The following CACNA1C variants were observed in gnomAD, a reference collection of about 807,000 sequenced individuals.
The protein encoded by CACNA1C is calcium voltage-gated channel subunit alpha1 C.
In CACNA1C, 30 loss-of-function variants were observed where a neutral mutation model predicts 229.0. The observed-to-expected ratio is 0.13, with a 90% CI of 0.10 to 0.18. The LOEUF is 0.18. CACNA1C is among the 10% of genes least tolerant of loss of function. The pLI, the probability that CACNA1C is intolerant of heterozygous loss-of-function variation, is 1.00. For missense variants in CACNA1C, 1,658 were observed against 2,845.0 expected, an observed-to-expected ratio of 0.58 and a Z score of 9.49; for synonymous variants, 1,114 against 1,132.5, an observed-to-expected ratio of 0.98 and a Z score of 0.33.
At chr12:2,035,043 C>T (rs1218903799) in intron 1 of CACNA1C, among the ~76,000 whole-genome samples, 1 of 152,224 alleles carries the variant, frequency 6.6e-6, no homozygotes, top group East Asian at 1.9e-4. Flanking sequence ...GCAACCGCGA[C>T]AGCCCCGTCG....
intron 30 of CACNA1C, among the ~76,000 whole-genome samples, chr12:2,638,310 C>G (rs975715024): frequency 2.6e-5 from 4 of 152,126 alleles, no homozygotes; most frequent in African/African-American, 9.7e-5. Context: ...TTGAACAAAG[C>G]AAAGGCATGA....
chr12:2,270,099 T>C (rs2154417190), intron 3 of CACNA1C, among the ~76,000 whole-genome samples: 1 of 151,846 alleles, frequency 6.6e-6, no homozygotes, highest in African/African-American at 2.4e-5. Flanking sequence ...GGGCACGGGG[T>C]CAGGGAACAG....
At chr12:2,553,300 A>G (rs568525925) in intron 10 of CACNA1C, among the ~76,000 whole-genome samples, 1 of 152,210 alleles carries the variant, frequency 6.6e-6, no homozygotes, top group African/African-American at 2.4e-5. Context: ...ACCTGGAGAA[A>G]CTGCAAACCG....
chr12:2,058,501 G>T (rs2056155081), intron 1 of CACNA1C, among the ~76,000 whole-genome samples: 11 of 152,144 alleles, frequency 7.2e-5, no homozygotes, highest in Admixed American at 7.2e-4. Context: ...TTAATGTTGG[G>T]CACTGTGGAG....
At chr12:2,058,434 CAA>C (rs2056124607) in intron 1 of CACNA1C, among the ~76,000 whole-genome samples, 1 of 152,142 alleles carries the variant, frequency 6.6e-6, no homozygotes, top group Non-Finnish European at 1.5e-5. Context: ...GCCTAATTAA[CAA>C]AATAATCACA....
Position 2,283,509 on chromosome 12 carries a change from G to A in CACNA1C, c.477+163079G>A, listed in dbSNP as rs150527420. On this transcript the variant is annotated intron_variant, in intron 3 of 46. Transcript: ENST00000399655. The stretch of plus-strand genomic sequence containing the variant: ...TGCAGGGACAGGGCATTATTGCCAC[G>A]AGCCAGTCTGTCCTGTATACTCACT... Among the ~76,000 whole-genome samples, 404 of 152,274 alleles carry A rather than the reference G, an allele frequency of 2.7e-3. 2 individuals carry two copies. Among genetic ancestry groups the A allele is most frequent in the African/African-American group, 9.4e-3 (390 of 41,544 alleles).
intron 1 of CACNA1C, among the ~76,000 whole-genome samples, chr12:2,093,501 C>T (rs894706476): frequency 6.6e-6 from 1 of 152,212 alleles, no homozygotes; most frequent in Non-Finnish European, 1.5e-5. Context: ...AGTGGGTATG[C>T]TTTGTGCCTC....
At chr12:2,549,121 T>G (rs2099890324) in intron 9 of CACNA1C, among the ~76,000 whole-genome samples, 1 of 152,092 alleles carries the variant, frequency 6.6e-6, no homozygotes, top group South Asian at 2.1e-4. Flanking sequence ...GCCAGAAAAC[T>G]CCCATTGTTC....
At chr12:2,230,350 GCA>G (rs2064590335) in intron 3 of CACNA1C, among the ~76,000 whole-genome samples, 1 of 152,198 alleles carries the variant, frequency 6.6e-6, no homozygotes, top group Admixed American at 6.5e-5. Flanking sequence ...TTGGTGGCGC[GCA>G]AGGTGCCTTG....
intron 9 of CACNA1C, 130 bp downstream of exon 9, chr12:2,513,114 A>G (rs2099788430): frequency 3.3e-6 from 2 of 598,438 alleles, no homozygotes; most frequent in Non-Finnish European, 5.8e-6. Flanking sequence ...AGCAGCAGTT[A>G]TCTCACTGAT....
chr12:2,281,238 G>A (rs921537769), intron 3 of CACNA1C, among the ~76,000 whole-genome samples: 8 of 151,954 alleles, frequency 5.3e-5, no homozygotes, highest in African/African-American at 9.7e-5. Flanking sequence ...CCTTTATGCC[G>A]TTGCTGCCAT....
At chr12:2,115,817 A>G (rs966094121) in intron 2 of CACNA1C, among the ~76,000 whole-genome samples, 2 of 152,212 alleles carry the variant, frequency 1.3e-5, no homozygotes, top group African/African-American at 4.8e-5. Flanking sequence ...TTTTTTTCAT[A>G]TAATAAGCAA....
rs996768623 is a variant in CACNA1C at position 2,467,868 on chromosome 12, C to T, written c.757+10162C>T. 6.6e-6 allele frequency among the ~76,000 whole-genome samples: 1 copy of T among 152,234 alleles called. No homozygotes were observed. Among genetic ancestry groups the T allele is most frequent in the South Asian group, 2.1e-4 (1 of 4,834 alleles). On this transcript the variant is annotated intron_variant, in intron 5 of 46. Coordinates refer to ENST00000399655, the MANE Select transcript of CACNA1C (RefSeq NM_000719.7). The surrounding 1 kb of genome is among the most constrained non-coding windows in gnomAD (Gnocchi z 4.6). ...ACTCAGAGTCCCGACCCTGCTGCGA[C>T]TTCTCTGTTGCCCTGCCAGGTGCTT... is the stretch of plus-strand genomic sequence containing the variant.
At chr12:2,394,241 C>T (rs1165281500) in intron 3 of CACNA1C, among the ~76,000 whole-genome samples, 1 of 152,368 alleles carries the variant, frequency 6.6e-6, no homozygotes, top group Admixed American at 6.5e-5. Context: ...TCCTCCTACT[C>T]CTGATGTGGC....
At chr12:2,109,340 G>T (rs2080680543) in intron 1 of CACNA1C, among the ~76,000 whole-genome samples, 2 of 152,198 alleles carry the variant, frequency 1.3e-5, no homozygotes, top group South Asian at 2.1e-4. Flanking sequence ...TGTTTGGAGT[G>T]GGGGCTTGAA....
rs2099740161 is a variant in CACNA1C, at chr12:2,493,350, C to T, written c.1077C>T (p.Cys359=). 1 of 1,614,144 alleles carries T rather than the reference C, an allele frequency of 6.2e-7. No individual in the cohort carries two copies. Among genetic ancestry groups the T allele is most frequent in the Non-Finnish European group, 8.5e-7 (1 of 1,179,976 alleles). Residue 359 remains cysteine, a synonymous_variant, in exon 7 of 47, where the codon TGC becomes TGT. Transcript: ENST00000399655. This position sits in a 1 kb window ranked among gnomAD's most constrained non-coding sequence, Gnocchi z 4.6. ...FAFAMLTVFQ[C]ITMEGWTDVL... ...TCGCCATGCTCACGGTGTTCCAGTG[C>T]ATCACCATGGAGGGCTGGACGGACG...
chr12:2,385,272 C>G (rs532350648), intron 3 of CACNA1C, among the ~76,000 whole-genome samples: 199 of 152,272 alleles, frequency 1.3e-3, no homozygotes, highest in African/African-American at 4.5e-3. Flanking sequence ...GACCGGCCCC[C>G]TCAGATGCAC....
At chr12:2,170,820 C>T (rs1381883628) in intron 3 of CACNA1C, among the ~76,000 whole-genome samples, 1 of 152,246 alleles carries the variant, frequency 6.6e-6, no homozygotes, top group African/African-American at 2.4e-5. Context: ...AGGTCTGCTT[C>T]CTAGGCCCGT....
chr12:2,533,000 C>A (rs1158894413), intron 9 of CACNA1C, among the ~76,000 whole-genome samples: 1 of 152,192 alleles, frequency 6.6e-6, no homozygotes, highest in Non-Finnish European at 1.5e-5. Flanking sequence ...TCAGCGTCCC[C>A]AACAAGCCCA....
Sources: allele counts gnomAD v4.1 joint callset (sites outside exome capture counted in the v4.1 genomes callset), GRCh38; gene constraint gnomAD v4.1.1; non-coding constraint Gnocchi (gnomAD v3.1); transcripts MANE v1.5; gene names NCBI Gene and HGNC (gene_info 2026-07-23, HGNC 2026-07-21).